ACSS1: variants seen among roughly 807,000 people sequenced by gnomAD.
ACSS1 encodes acetyl-coenzyme A synthetase 2-like, mitochondrial.
A neutral mutation model predicts 75.3 loss-of-function variants in ACSS1; 42 were observed. The ratio of observed to expected loss-of-function variants is 0.56; its 90% CI spans 0.44 to 0.72. The LOEUF is 0.72. Ranked by LOEUF, ACSS1 falls within the 30% of genes least tolerant of loss-of-function variation. The pLI is 0.00. For missense variants in ACSS1, 782 were observed against 935.7 expected, an observed-to-expected ratio of 0.84 and a Z score of 2.14; for synonymous variants, 380 against 376.8, an observed-to-expected ratio of 1.01 and a Z score of -0.10.
chr20:25,013,992 A>T lies in ACSS1; in HGVS notation c.1421T>A (p.Phe474Tyr), dbSNP rs149291639. The T allele has an allele frequency of 1.9e-6, 3 of 1,613,964 alleles. No individual in the cohort carries two copies. The Middle Eastern group carries it at 5.0e-4, about 267-fold the overall frequency. Residue 474 changes from phenylalanine to tyrosine, a missense_variant, in exon 9 of 14, where the codon TTT (phenylalanine) becomes TAT (tyrosine). By Grantham distance (22) the Phe-to-Tyr change is conservative (BLOSUM62 3). This residue lies in a region of ACSS1 where 405 missense variants were observed against 552.6 expected (regional missense o/e 0.73). Coordinates refer to ENST00000323482, the MANE Select transcript of ACSS1 (RefSeq NM_032501.4). ...ILPAMAMRPFFGIVPVLMDEK... is the reference protein window; with the variant it reads ...ILPAMAMRPFYGIVPVLMDEK... ...ATCCATGAGGACGGGGACGATGCCA[A>T]AGAAGGGCCTCATCGCCATGGCAGG...
At position 25,048,168 on chromosome 20, in the gene ACSS1, G is replaced by C. The variant is rs372696628; in HGVS notation, c.348C>G (p.Asp116Glu). ...GQLNVSVNCL[D>E]QHVRKSPESV... Reference sequence around the variant, plus strand: ...TCTCGGGGGACTTCCGAACATGCTGGTCCAAGCAGTTGACTGTACAAAAAG... The same window carrying C: ...TCTCGGGGGACTTCCGAACATGCTGCTCCAAGCAGTTGACTGTACAAAAAG... The change falls in exon 2 of 14, where the codon GAC becomes GAG. Residue 116 changes from aspartate (D) to glutamate (E), a missense_variant. This residue lies in a region of ACSS1 where 377 missense variants were observed against 383.1 expected (regional missense o/e 0.98). Coordinates refer to ENST00000323482, the MANE Select transcript of ACSS1 (RefSeq NM_032501.4). The C allele has an allele frequency of 6.2e-7, 1 of 1,613,248 alleles. No homozygotes were observed. The highest frequency in any genetic ancestry group is 8.5e-7 in the Non-Finnish European group (1 of 1,179,966).
chr20:25,036,437 C>G (rs555791901), intron 2 of ACSS1, among the ~76,000 whole-genome samples: 1 of 151,832 alleles, frequency 6.6e-6, no homozygotes, highest in Admixed American at 6.6e-5. Context: ...CCCTGCCCCC[C>G]ACCCCCCGCC....
At chr20:25,009,516 G>T in intron 12 of ACSS1, 128 bp from the exon 13 acceptor site, 1 of 749,382 alleles carries the variant, frequency 1.3e-6, no homozygotes, top group South Asian at 1.7e-5. Context: ...TGACATTGTA[G>T]CAGCTGGTTT....
At chr20:25,050,650 C>T (rs1396829910) in intron 1 of ACSS1, among the ~76,000 whole-genome samples, 2 of 152,082 alleles carry the variant, frequency 1.3e-5, no homozygotes, top group African/African-American at 4.8e-5. Context: ...AGGAAGGGCT[C>T]GAACCACGCT....
chr20:25,032,008 C>T (rs1272262740), intron 2 of ACSS1, among the ~76,000 whole-genome samples: 3 of 152,234 alleles, frequency 2.0e-5, no homozygotes, highest in Non-Finnish European at 4.4e-5. Context: ...GCAAGCAGGG[C>T]AGCCACAACT....
At chr20:25,039,809 C>G (rs1047209385) in intron 2 of ACSS1, among the ~76,000 whole-genome samples, 1 of 152,262 alleles carries the variant, frequency 6.6e-6, no homozygotes, top group African/African-American at 2.4e-5. Context: ...TCCCTTCGAC[C>G]TCAGCACTTG....
chr20:25,008,716 C>A (rs937197562), intron 13 of ACSS1, among the ~76,000 whole-genome samples: 15 of 152,208 alleles, frequency 9.9e-5, no homozygotes, highest in African/African-American at 3.6e-4. Flanking sequence ...TTCACTGCCA[C>A]CAGGAAAAGT....
At chr20:25,039,824 T>TTGGACCAAGTCTTGTCTC (rs2088972912) in intron 2 of ACSS1, among the ~76,000 whole-genome samples, 1 of 152,272 alleles carries the variant, frequency 6.6e-6, no homozygotes, top group African/African-American at 2.4e-5. Context: ...CACTTGGCCT[T>TTGGACCAAGTCTTGTCTC]TGGCCCAAGT....
At chr20:25,037,990 A>G (rs6138478) in intron 2 of ACSS1, among the ~76,000 whole-genome samples, 95,135 of 152,098 alleles carry the variant, frequency 0.63, 31,162 homozygotes, top group East Asian at 0.94. Context: ...ATTTGATGTC[A>G]TGACCATGAC....
chr20:25,023,386 A>G, intron 4 of ACSS1, 80 bp downstream of exon 4: 3 of 1,555,686 alleles, frequency 1.9e-6, no homozygotes, highest in South Asian at 2.3e-5. Context: ...ACCCAAATTG[A>G]GAACCACAAC....
chr20:25,050,272 C>A lies in ACSS1; in HGVS notation c.335-2091G>T, dbSNP rs574337092. Among the ~76,000 whole-genome samples the A allele has an allele frequency of 2.6e-5, 4 of 152,196 alleles. No homozygotes were observed. The South Asian group carries it at 8.3e-4, about 32-fold the overall frequency. On this transcript the variant is annotated intron_variant, in intron 1 of 13. Coordinates refer to ENST00000323482, the MANE Select transcript of ACSS1 (RefSeq NM_032501.4). ...TGGCTTCTGAACAATCAGCAGGAGA[C>A]CATCCCTACACAGAGAGTCCTACAC... is the stretch of plus-strand genomic sequence containing the variant.
intron 2 of ACSS1, among the ~76,000 whole-genome samples, chr20:25,037,327 T>C (rs2088929953): frequency 6.6e-6 from 1 of 152,068 alleles, no homozygotes; most frequent in East Asian, 1.9e-4. Flanking sequence ...ACACCCTGTG[T>C]CCTCCTTCCC....
chr20:25,055,667 T>G (rs1027535355), intron 1 of ACSS1, among the ~76,000 whole-genome samples: 1 of 152,204 alleles, frequency 6.6e-6, no homozygotes, highest in Non-Finnish European at 1.5e-5. Flanking sequence ...TTCTCAAAAG[T>G]TCTCAGGTAA....
At chr20:25,016,245 A>G (rs1199981302) in intron 7 of ACSS1, among the ~76,000 whole-genome samples, 1 of 152,174 alleles carries the variant, frequency 6.6e-6, no homozygotes, top group Admixed American at 6.5e-5. Context: ...TGCAGGCCAC[A>G]CTGTGGTCAT....
In ACSS1 at chr20:25,013,985, G is replaced by C. The variant is rs753065403; in HGVS notation, c.1428C>G (p.Ile476Met). ...PAMAMRPFFGIVPVLMDEKGS... is the reference protein window; with the variant it reads ...PAMAMRPFFGMVPVLMDEKGS... ...CCTTCTCATCCATGAGGACGGGGACGATGCCAAAGAAGGGCCTCATCGCCA... is the reference window on the plus strand; with the variant it reads ...CCTTCTCATCCATGAGGACGGGGACCATGCCAAAGAAGGGCCTCATCGCCA... The change falls in exon 9 of 14, where the codon ATC (isoleucine) becomes ATG (methionine). Residue 476 changes from isoleucine (I) to methionine (M), a missense_variant. Transcript: ENST00000323482. The C allele has an allele frequency of 1.2e-6, 2 of 1,613,830 alleles. No individual in the cohort carries two copies. The highest frequency in any genetic ancestry group is 2.2e-5 in the East Asian group (1 of 44,874).
At chr20:25,030,698 C>A in intron 3 of ACSS1, 61 bp downstream of exon 3, 1 of 1,581,568 alleles carries the variant, frequency 6.3e-7, no homozygotes, top group Non-Finnish European at 8.6e-7. Context: ...GATGGCCAGG[C>A]CCCCAGGAAC....
chr20:25,056,578 G>A (rs575607593), intron 1 of ACSS1, among the ~76,000 whole-genome samples: 1 of 152,250 alleles, frequency 6.6e-6, no homozygotes, highest in South Asian at 2.1e-4. Flanking sequence ...ACCAGTAAGC[G>A]CTGGGTCTGC....
intron 2 of ACSS1, chr20:25,032,728 C>G: frequency 1.8e-6 from 2 of 1,118,044 alleles, no homozygotes; most frequent in East Asian, 9.4e-5. Flanking sequence ...TGAAGCTCAA[C>G]GAGGCCACCC....
intron 1 of ACSS1, among the ~76,000 whole-genome samples, chr20:25,052,547 C>T (rs185834059): frequency 6.6e-6 from 1 of 152,376 alleles, no homozygotes; most frequent in Admixed American, 6.5e-5. Flanking sequence ...TTGGGAATTA[C>T]ATCACAATTC....
Sources: gnomAD v4.1 joint callset for allele counts (sites outside exome capture counted in the v4.1 genomes callset) on GRCh38, gnomAD v4.1.1 for gene constraint, gnomAD v4.1.1 regional missense constraint, MANE v1.5 for transcripts, NCBI Gene and HGNC (gene_info 2026-07-23, HGNC 2026-07-21) for gene names.